CDH13: variants seen among roughly 807,000 people sequenced by gnomAD.
CDH13 encodes cadherin-13.
Under a neutral mutation model 63.8 loss-of-function variants are expected in CDH13, and 24 were observed. That is an observed-to-expected ratio of 0.38 (90% CI 0.27 to 0.53). CDH13 has a LOEUF of 0.53. CDH13 is among the 20% of genes least tolerant of loss of function. CDH13 has a pLI of 0.85. For missense variants in CDH13, 1,049 were observed against 903.1 expected, an observed-to-expected ratio of 1.16 and a Z score of -2.07; for synonymous variants, 503 against 355.3, an observed-to-expected ratio of 1.42 and a Z score of -4.67.
intron 10 of CDH13, among the ~76,000 whole-genome samples, chr16:83,726,901 T>G (rs115027711): frequency 0.017 from 2,597 of 152,160 alleles, 77 homozygotes; most frequent in African/African-American, 0.06. Flanking sequence ...TTCTGAAGAC[T>G]ATCGAGGGAG....
At chr16:82,858,576 T>A in intron 2 of CDH13, 103 bp downstream of exon 2, 1 of 828,288 alleles carries the variant, frequency 1.2e-6, no homozygotes, top group Non-Finnish European at 2.0e-6. Flanking sequence ...AACTAAGTGT[T>A]TTCTGATTAT....
intron 7 of CDH13, among the ~76,000 whole-genome samples, chr16:83,512,813 A>C (rs1190377520): frequency 1.3e-5 from 2 of 152,144 alleles, no homozygotes; most frequent in African/African-American, 4.8e-5. Flanking sequence ...TCCTGTCGGT[A>C]AAACACATTC....
At chr16:82,881,009 T>C (rs1248898089) in intron 2 of CDH13, among the ~76,000 whole-genome samples, 1 of 152,226 alleles carries the variant, frequency 6.6e-6, no homozygotes, top group East Asian at 1.9e-4. Context: ...TCTTCATATT[T>C]TCCTCTGGGT....
rs530151217 is a variant in CDH13 at position 83,603,379 on chromosome 16, T to C, written c.1101+785T>C. On this transcript the variant is annotated intron_variant, in intron 8 of 13. Transcript: ENST00000567109. ...AGAGTCTTTACTGTATCTACCATGGTGTCTCCCCCTGAGATCTGTTGCCTG... is the reference window on the plus strand; with the variant it reads ...AGAGTCTTTACTGTATCTACCATGGCGTCTCCCCCTGAGATCTGTTGCCTG... 1.2e-4 allele frequency among the ~76,000 whole-genome samples: 19 copies of C among 152,330 alleles called. 1 individual carries two copies. In the South Asian group the frequency reaches 3.1e-3, roughly 25 times the overall value.
At chr16:83,289,146 G>C (rs765390855) in intron 5 of CDH13, among the ~76,000 whole-genome samples, 1 of 152,204 alleles carries the variant, frequency 6.6e-6, no homozygotes, top group Non-Finnish European at 1.5e-5. Context: ...ACACATTTCT[G>C]CTGGAGGCGA....
chr16:83,050,381 C>A (rs1010608659), intron 3 of CDH13, among the ~76,000 whole-genome samples: 1 of 152,190 alleles, frequency 6.6e-6, no homozygotes, highest in African/African-American at 2.4e-5. Context: ...CTGTCTTCTA[C>A]AGCAGCTGAA....
intron 5 of CDH13, among the ~76,000 whole-genome samples, chr16:83,307,594 C>G (rs563432772): frequency 6.6e-6 from 1 of 152,170 alleles, no homozygotes; most frequent in African/African-American, 2.4e-5. Flanking sequence ...CTTGGGGTTT[C>G]GTTATGTTTG....
At chr16:83,189,245 G>A (rs1597488022) in intron 4 of CDH13, among the ~76,000 whole-genome samples, 1 of 152,084 alleles carries the variant, frequency 6.6e-6, no homozygotes, top group South Asian at 2.1e-4. Flanking sequence ...CATCATCCCA[G>A]ACCCTCAGCT....
intron 6 of CDH13, among the ~76,000 whole-genome samples, chr16:83,453,962 G>A (rs2072954990): frequency 6.6e-6 from 1 of 152,158 alleles, no homozygotes; most frequent in Non-Finnish European, 1.5e-5. Context: ...AGCAGGGTGT[G>A]CACGCAGGCA....
At chr16:82,957,559 C>G (rs958784774) in intron 2 of CDH13, among the ~76,000 whole-genome samples, 1 of 152,138 alleles carries the variant, frequency 6.6e-6, no homozygotes, top group Non-Finnish European at 1.5e-5. Context: ...CATGTACACG[C>G]CCCCCTGCTA....
rs546632157 is a variant in CDH13 at position 83,384,241 on chromosome 16, A to G, written c.781+39235A>G. On this transcript the variant is annotated intron_variant, in intron 6 of 13. Coordinates refer to ENST00000567109, the MANE Select transcript of CDH13 (RefSeq NM_001257.5). ...TTATTCTCAATATATCTACTAATTG[A>G]TTTGATGAAATCACATGATGTAACC... Among the ~76,000 whole-genome samples, 4 of 152,244 alleles carry G rather than the reference A, an allele frequency of 2.6e-5. No homozygotes were observed. In the Middle Eastern group the frequency reaches 0.01, roughly 388 times the overall value.
intron 6 of CDH13, among the ~76,000 whole-genome samples, chr16:83,398,676 A>T (rs1478806424): frequency 6.6e-6 from 1 of 152,204 alleles, no homozygotes; most frequent in African/African-American, 2.4e-5. Flanking sequence ...TACTTCTAAC[A>T]TGTTCACAGT....
intron 7 of CDH13, among the ~76,000 whole-genome samples, chr16:83,487,676 C>T (rs1043504348): frequency 6.6e-6 from 1 of 152,224 alleles, no homozygotes; most frequent in South Asian, 2.1e-4. Flanking sequence ...TTCCCTGCTC[C>T]TGACATCATC....
intron 6 of CDH13, among the ~76,000 whole-genome samples, chr16:83,404,212 A>G (rs564213092): frequency 1.3e-5 from 2 of 152,344 alleles, no homozygotes; most frequent in African/African-American, 4.8e-5. Flanking sequence ...CACGTTTCAG[A>G]ACTTTTGGCA....
chr16:83,706,865 T>C (rs1011226413), intron 10 of CDH13, among the ~76,000 whole-genome samples: 5 of 152,178 alleles, frequency 3.3e-5, no homozygotes, highest in African/African-American at 1.2e-4. Context: ...CATCCTTATG[T>C]CTCTCTGAAA....
chr16:82,685,666 CAG>C (rs34686523), intron 1 of CDH13, among the ~76,000 whole-genome samples: 11,570 of 152,244 alleles, frequency 0.076, 486 homozygotes, highest in Middle Eastern at 0.18. Flanking sequence ...GTACACAAGG[CAG>C]AGTTTGCAGT....
chr16:83,282,465 G>T (rs1001806832), intron 5 of CDH13, among the ~76,000 whole-genome samples: 3 of 152,162 alleles, frequency 2.0e-5, no homozygotes, highest in Admixed American at 6.5e-5. Flanking sequence ...AAAATGTAAC[G>T]TTGGACCAGA....
rs575991786 is a variant in CDH13 at position 82,823,338 on chromosome 16, A to T, written c.46-35024A>T. The T allele has an allele frequency of 2.0e-5, 3 of 152,306 alleles. No homozygotes were observed. In the East Asian group the frequency reaches 5.8e-4, roughly 29 times the overall value. The allele number at this position is 152,306 out of a possible 1,614,324, so 9.4% of individuals were successfully genotyped here. A position where few individuals can be genotyped will look rare whatever the true frequency, so the allele number is the denominator to read the frequency against. Reference sequence around the variant, plus strand: ...GGCAAAAAATATTGCTGTGGCCGTTACTAGAATATATAATCTGACGCAGTT... The same window carrying T: ...GGCAAAAAATATTGCTGTGGCCGTTTCTAGAATATATAATCTGACGCAGTT... On this transcript the variant is annotated intron_variant, in intron 1 of 13. Coordinates refer to ENST00000567109, the MANE Select transcript of CDH13 (RefSeq NM_001257.5).
At chr16:83,536,474 C>A (rs2075191539) in intron 7 of CDH13, among the ~76,000 whole-genome samples, 1 of 151,892 alleles carries the variant, frequency 6.6e-6, no homozygotes, top group Non-Finnish European at 1.5e-5. Flanking sequence ...AAAGGGTGAG[C>A]AAAGGTCCTG....
Sources: allele counts gnomAD v4.1 joint callset (sites outside exome capture counted in the v4.1 genomes callset), GRCh38; gene constraint gnomAD v4.1.1; transcripts MANE v1.5; gene names NCBI Gene and HGNC (gene_info 2026-07-23, HGNC 2026-07-21).